The following IQCH variants were observed in gnomAD, a reference collection of about 807,000 sequenced individuals.
IQCH encodes the protein IQ motif containing H, also known as IQ domain-containing protein H.
In IQCH, 98 loss-of-function variants were observed where a neutral mutation model predicts 117.0. The ratio of observed to expected loss-of-function variants is 0.84; its 90% CI spans 0.71 to 0.99. The LOEUF (loss-of-function observed/expected upper bound fraction) is 0.99, where lower values mean the gene tolerates loss of function less well. Among genes scored for constraint, IQCH ranks in the 50% least tolerant of loss-of-function variants. The pLI is 0.00. For missense variants in IQCH, 1,102 were observed against 1,243.8 expected (o/e 0.89, Z 1.72); for synonymous variants, 412 against 448.2 (o/e 0.92, Z 1.02).
intron 10 of IQCH, among the ~76,000 whole-genome samples, chr15:67,383,525 ACTTTT>A (rs1971012080): frequency 6.6e-6 from 1 of 152,190 alleles, no homozygotes; most frequent in African/African-American, 2.4e-5. Context: ...GCTCTCAGGC[ACTTTT>A]CTTAATCACA....
chr15:67,279,307 T>G, intron 3 of IQCH, 88 bp from the exon 4 acceptor site: 1 of 693,774 alleles, frequency 1.4e-6, no homozygotes, highest in East Asian at 2.8e-5. Flanking sequence ...AAATATAAGC[T>G]TAATTAGGAA....
intron 4 of IQCH, among the ~76,000 whole-genome samples, chr15:67,318,904 C>G (rs1567092509): frequency 6.6e-6 from 1 of 152,028 alleles, no homozygotes; most frequent in Non-Finnish European, 1.5e-5. Flanking sequence ...ATGGGTTAGG[C>G]TGAAGTAAGA....
intron 12 of IQCH, among the ~76,000 whole-genome samples, chr15:67,389,497 G>A (rs557120451): frequency 7.9e-5 from 12 of 151,798 alleles, no homozygotes; most frequent in African/African-American, 2.9e-4. Context: ...TTTTAATTGG[G>A]CTGATTTTTT....
intron 16 of IQCH, among the ~76,000 whole-genome samples, chr15:67,446,428 G>A (rs2082393362): frequency 6.6e-6 from 1 of 152,148 alleles, no homozygotes; most frequent in Non-Finnish European, 1.5e-5. Context: ...GGAGAAAGAG[G>A]GGGAAAAGAG....
intron 3 of IQCH, among the ~76,000 whole-genome samples, chr15:67,275,764 C>G (rs1966096234): frequency 1.3e-5 from 2 of 152,162 alleles, no homozygotes; most frequent in Non-Finnish European, 2.9e-5. Context: ...CCTGTAGTCC[C>G]AGCTACTCTG....
At chr15:67,344,839 C>T (rs1275251111) in intron 6 of IQCH, among the ~76,000 whole-genome samples, 1 of 152,154 alleles carries the variant, frequency 6.6e-6, no homozygotes, top group Non-Finnish European at 1.5e-5. Flanking sequence ...AATTAAAAGA[C>T]AGAGATTGTC....
chr15:67,286,285 T>C (rs909979453), intron 4 of IQCH, among the ~76,000 whole-genome samples: 1 of 152,236 alleles, frequency 6.6e-6, no homozygotes, highest in Non-Finnish European at 1.5e-5. Context: ...TTATTTTGAA[T>C]GCTGCAACTT....
chr15:67,489,916 T>G, intron 18 of IQCH, 87 bp from the exon 19 acceptor site: 3 of 920,632 alleles, frequency 3.3e-6, no homozygotes. Flanking sequence ...AAATCAATCT[T>G]AGTAGTCTTT....
chr15:67,291,402 A>G (rs1596112800), intron 4 of IQCH, among the ~76,000 whole-genome samples: 2 of 152,238 alleles, frequency 1.3e-5, no homozygotes, highest in Admixed American at 1.3e-4. Flanking sequence ...AGGGACTTCA[A>G]CAGTCATCTA....
At chr15:67,498,311 T>A (rs988117896) in intron 20 of IQCH, among the ~76,000 whole-genome samples, 5 of 152,118 alleles carry the variant, frequency 3.3e-5, no homozygotes, top group African/African-American at 1.2e-4. Flanking sequence ...CCTCACATCA[T>A]ATATAAAAAT....
intron 18 of IQCH, among the ~76,000 whole-genome samples, chr15:67,484,183 AT>A (rs2083411921): frequency 6.6e-6 from 1 of 152,146 alleles, no homozygotes; most frequent in Non-Finnish European, 1.5e-5. Context: ...AGGTAGGTAG[AT>A]TACTTGAGCC....
At position 67,344,108 on chromosome 15, in the gene IQCH, G is replaced by C; in HGVS notation, c.554G>C (p.Arg185Thr). ...CGAGGGCTGATTCCACCAACAGCAA[G>C]GATTACCTTTCAGAATCCACCCATT... Reference protein sequence around the residue: ...IERGLIPPTARITFQNPPITP... With the variant: ...IERGLIPPTATITFQNPPITP... Residue 185 changes from arginine to threonine, a missense_variant, in exon 6 of 21, where the codon AGG becomes ACG. By Grantham distance (71) the Arg-to-Thr change is moderately conservative (BLOSUM62 -1). This residue lies in a region of IQCH where 452 missense variants were observed against 449.6 expected (regional missense o/e 1.01). Coordinates refer to ENST00000335894, the MANE Select transcript of IQCH (RefSeq NM_001031715.3). The C allele has an allele frequency of 8.1e-6, 13 of 1,613,316 alleles. No individual in the cohort carries two copies. Among genetic ancestry groups the C allele is most frequent in the Non-Finnish European group, 1.1e-5 (13 of 1,179,386 alleles).
chr15:67,394,030 A>G (rs542984125), intron 12 of IQCH, among the ~76,000 whole-genome samples: 3 of 152,144 alleles, frequency 2.0e-5, no homozygotes, highest in African/African-American at 7.2e-5. Context: ...ATGGAGCCTT[A>G]TAAGTGATAG....
At chr15:67,255,325 A>T (rs1965112334) in intron 1 of IQCH, 1 of 207,994 alleles carries the variant, frequency 4.8e-6, no homozygotes, top group Non-Finnish European at 9.6e-6. Context: ...CTAGGAGGTG[A>T]TAAGAAATTT....
At position 67,465,933 on chromosome 15, in the gene IQCH, G is replaced by A. The variant is rs1373632309; in HGVS notation, c.2676+636G>A. 1.3e-5 allele frequency among the ~76,000 whole-genome samples: 2 copies of A among 152,186 alleles called. No homozygotes were observed. Among genetic ancestry groups the A allele is most frequent in the Admixed American group, 6.5e-5 (1 of 15,282 alleles). ...CTCCTAAGATTCCCTGTCCCTGCCT[G>A]TGCCCTCAGCCTAAACAGACACGGC... is the stretch of plus-strand genomic sequence containing the variant. On this transcript the variant is annotated intron_variant, in intron 17 of 20. Transcript: ENST00000335894. The surrounding 1 kb of genome is among the most constrained non-coding windows in gnomAD (Gnocchi z 5.9).
chr15:67,394,679 A>T (rs908193268), intron 12 of IQCH, among the ~76,000 whole-genome samples: 3 of 152,208 alleles, frequency 2.0e-5, no homozygotes, highest in African/African-American at 7.2e-5. Flanking sequence ...TTTTTCACTG[A>T]AAAATGAATT....
chr15:67,347,466 GC>G (rs975516497), intron 6 of IQCH, among the ~76,000 whole-genome samples: 16 of 152,002 alleles, frequency 1.1e-4, no homozygotes, highest in African/African-American at 3.9e-4. Flanking sequence ...TACTACCTAA[GC>G]TCACTCCAGA....
intron 16 of IQCH, among the ~76,000 whole-genome samples, chr15:67,437,156 C>A (rs2140956138): frequency 6.6e-6 from 1 of 152,286 alleles, no homozygotes; most frequent in East Asian, 1.9e-4. Context: ...CATTGCATCC[C>A]CCGCCACCTC....
At position 67,408,258 on chromosome 15, in the gene IQCH, G is replaced by GT. The variant is rs2081358595; in HGVS notation, c.2097+7953_2097+7954insT. On this transcript the variant is annotated intron_variant, in intron 14 of 20. Coordinates refer to ENST00000335894, the MANE Select transcript of IQCH (RefSeq NM_001031715.3). This position sits in a 1 kb window ranked among gnomAD's most constrained non-coding sequence, Gnocchi z 4.2. Reference sequence around the variant, plus strand: ...AAGGTCCGCTTTGCTGAAAACCACAGAGCAGGCATGGGCATTTGGAACCGT... The same window carrying GT: ...AAGGTCCGCTTTGCTGAAAACCACAGTAGCAGGCATGGGCATTTGGAACCGT... 6.6e-6 allele frequency: 1 copy of GT among 152,234 alleles called. No individual in the cohort carries two copies. Among genetic ancestry groups the GT allele is most frequent in the South Asian group, 2.1e-4 (1 of 4,836 alleles). The allele number at this position is 152,234 out of a possible 1,614,324, so 9.4% of individuals were successfully genotyped here.
Sources: allele counts gnomAD v4.1 joint callset (sites outside exome capture counted in the v4.1 genomes callset), GRCh38; gene constraint gnomAD v4.1.1; regional missense constraint gnomAD v4.1.1; non-coding constraint Gnocchi (gnomAD v3.1); transcripts MANE v1.5; gene names NCBI Gene and HGNC (gene_info 2026-07-23, HGNC 2026-07-21).